Variants in HIBCH observed in about 807,000 individuals in gnomAD.
The protein encoded by HIBCH is 3-hydroxyisobutyryl-CoA hydrolase, mitochondrial.
HIBCH carries 50 observed loss-of-function variants against 58.2 expected under a neutral mutation model. That is an observed-to-expected ratio of 0.86 (90% CI 0.68 to 1.09). The LOEUF is 1.09. HIBCH is among the 50% of genes least tolerant of loss of function. The pLI is 0.00. For synonymous variants in HIBCH, 151 were observed against 146.9 expected (o/e 1.03, Z -0.20); for missense variants, 450 against 449.7 (o/e 1.00, Z -0.01).
rs1029234926 is a variant in HIBCH at position 190,279,594 on chromosome 2, T to A, written c.438+7992A>T. On this transcript the variant is annotated intron_variant, in intron 6 of 13. Coordinates refer to ENST00000359678, the MANE Select transcript of HIBCH (RefSeq NM_014362.4). The surrounding 1 kb of genome is among the most constrained non-coding windows in gnomAD (Gnocchi z 4.2). ...ACTTTCCTCCCTGTCTAATTAGGAA[T>A]AAATAGTAAATTCTCTTAGAAGCAA... 2.0e-5 allele frequency among the ~76,000 whole-genome samples: 3 copies of A among 152,228 alleles called. No homozygotes were observed. The highest frequency in any genetic ancestry group is 4.4e-5 in the Non-Finnish European group (3 of 68,040).
At chr2:190,224,202 G>A (rs1685818991) in intron 11 of HIBCH, among the ~76,000 whole-genome samples, 1 of 152,238 alleles carries the variant, frequency 6.6e-6, no homozygotes, top group Admixed American at 6.5e-5. Context: ...CAGCGAGGCT[G>A]GGGAAGGGGC....
intron 7 of HIBCH, among the ~76,000 whole-genome samples, chr2:190,257,505 G>GA (rs1206625289): frequency 1.3e-4 from 19 of 149,746 alleles, no homozygotes; most frequent in South Asian, 1.1e-3. Flanking sequence ...GATTGATCAG[G>GA]AAAAAAAAAG....
intron 6 of HIBCH, among the ~76,000 whole-genome samples, chr2:190,269,352 T>C (rs549011443): frequency 1.3e-5 from 2 of 151,700 alleles, no homozygotes; most frequent in South Asian, 2.1e-4. Flanking sequence ...AGGTCTAATA[T>C]CCAGAATCTA....
chr2:190,261,586 T>C (rs1255774788), intron 6 of HIBCH, among the ~76,000 whole-genome samples: 2 of 151,718 alleles, frequency 1.3e-5, no homozygotes, highest in Non-Finnish European at 2.9e-5. Context: ...TGTGTCTATT[T>C]ATCTGATATA....
downstream of HIBCH, chr2:190,200,191 GAA>G: frequency 1.9e-6 from 3 of 1,549,178 alleles, 1 homozygote; most frequent in South Asian, 3.5e-5. Flanking sequence ...GTGCTAGTTT[GAA>G]TAAATGTGAC....
At chr2:190,212,158 T>C (rs1029602238) in intron 12 of HIBCH, among the ~76,000 whole-genome samples, 13 of 152,226 alleles carry the variant, frequency 8.5e-5, no homozygotes, top group African/African-American at 3.1e-4. Context: ...CCTAGCGTAG[T>C]ACCTGCACAT....
At chr2:190,225,376 G>A (rs141045327) in intron 11 of HIBCH, among the ~76,000 whole-genome samples, 2,350 of 152,144 alleles carry the variant, frequency 0.015, 65 homozygotes, top group African/African-American at 0.052. Context: ...CAGCTAGCAA[G>A]ACTAATAAAG....
At chr2:190,296,739 G>T in intron 3 of HIBCH, 74 bp downstream of exon 3, 1 of 1,351,360 alleles carries the variant, frequency 7.4e-7, no homozygotes, top group South Asian at 1.2e-5. Flanking sequence ...TTCTATGGGA[G>T]AAAATACCAG....
intron 1 of HIBCH, among the ~76,000 whole-genome samples, chr2:190,193,905 T>C (rs1373325390): frequency 3.3e-5 from 5 of 152,216 alleles, no homozygotes; most frequent in African/African-American, 1.2e-4. Flanking sequence ...TTTTCTTCTT[T>C]TCTATTATAA....
chr2:190,235,751 C>T (rs1290378662), intron 11 of HIBCH, among the ~76,000 whole-genome samples: 1 of 152,184 alleles, frequency 6.6e-6, no homozygotes, highest in Non-Finnish European at 1.5e-5. Context: ...CTCACATAGA[C>T]TTTGCTCAGA....
At chr2:190,252,915 G>A (rs532682294) in intron 7 of HIBCH, among the ~76,000 whole-genome samples, 59 of 152,160 alleles carry the variant, frequency 3.9e-4, no homozygotes, top group Non-Finnish European at 7.1e-4. Context: ...AAGGCTAGGC[G>A]CGGTGGCTCA....
At position 190,262,956 on chromosome 2, in the gene HIBCH, C is replaced by T. The variant is rs535243276; in HGVS notation, c.439-1722G>A. Among the ~76,000 whole-genome samples, 18 of 152,274 alleles carry T rather than the reference C, an allele frequency of 1.2e-4. 1 individual carries two copies. Among genetic ancestry groups the T allele is most frequent in the Non-Finnish European group, 1.3e-4 (9 of 68,016 alleles). On this transcript the variant is annotated intron_variant, in intron 6 of 13. Transcript: ENST00000359678. ...AGATGAAGGTTCAGAATAGTCAAGC[C>T]ACTTCACTTGAAGATACTAGGAATA...
At chr2:190,235,578 A>T (rs2105924385) in intron 11 of HIBCH, among the ~76,000 whole-genome samples, 1 of 152,360 alleles carries the variant, frequency 6.6e-6, no homozygotes, top group Admixed American at 6.5e-5. Context: ...AACTCACAGA[A>T]TTCAAGCAGT....
chr2:190,309,487 C>T (rs1273480794), intron 2 of HIBCH, among the ~76,000 whole-genome samples: 1 of 151,964 alleles, frequency 6.6e-6, no homozygotes, highest in East Asian at 1.9e-4. Context: ...GGATATTTAA[C>T]TTTGCAAGGT....
Position 190,304,625 on chromosome 2 carries a change from A to T in HIBCH, c.78+6129T>A, listed in dbSNP as rs149308638. Among the ~76,000 whole-genome samples, 630 of 152,208 alleles carry T rather than the reference A, an allele frequency of 4.1e-3. 7 individuals are homozygous for T. The highest frequency in any genetic ancestry group is 0.031 in the Middle Eastern group (9 of 294). ...TTCAAACCACGAAACCAATATTCTC[A>T]GTTTTGATAAGTGTACCATAGTAAG... is the stretch of plus-strand genomic sequence containing the variant. On this transcript the variant is annotated intron_variant, in intron 2 of 13. Coordinates refer to ENST00000359678, the MANE Select transcript of HIBCH (RefSeq NM_014362.4). The surrounding 1 kb of genome is among the most constrained non-coding windows in gnomAD (Gnocchi z 4.1).
chr2:190,200,215 C>T, downstream of HIBCH: 1 of 1,349,898 alleles, frequency 7.4e-7, no homozygotes, highest in East Asian at 2.3e-5. Context: ...AAAGCAAAAA[C>T]TGGTGTGAAA....
intron 11 of HIBCH, among the ~76,000 whole-genome samples, chr2:190,222,954 A>C (rs1203336889): frequency 6.6e-6 from 1 of 152,266 alleles, no homozygotes; most frequent in Non-Finnish European, 1.5e-5. Flanking sequence ...AAAAAGGATA[A>C]GTTCATGTCT....
chr2:190,273,036 A>C (rs1373730334), intron 6 of HIBCH, among the ~76,000 whole-genome samples: 1 of 152,182 alleles, frequency 6.6e-6, no homozygotes, highest in African/African-American at 2.4e-5. Flanking sequence ...TTAAAAAGAA[A>C]AAAAAAGCTC....
At chr2:190,301,106 C>T (rs922789729) in intron 2 of HIBCH, among the ~76,000 whole-genome samples, 1 of 152,250 alleles carries the variant, frequency 6.6e-6, no homozygotes, top group East Asian at 1.9e-4. Context: ...ATTTCCCACT[C>T]TCTTGCTGAA....
Sources: allele counts gnomAD v4.1 joint callset (sites outside exome capture counted in the v4.1 genomes callset), GRCh38; gene constraint gnomAD v4.1.1; non-coding constraint Gnocchi (gnomAD v3.1); transcripts MANE v1.5; gene names NCBI Gene and HGNC (gene_info 2026-07-23, HGNC 2026-07-21).